ZNF587: variants seen among roughly 807,000 people sequenced by gnomAD.
ZNF587 encodes zinc finger protein 587, also known as zinc finger protein zfp6.
Under a neutral mutation model 7.5 loss-of-function variants are expected in ZNF587, and 8 were observed. The observed-to-expected ratio is 1.06, with a 90% CI of 0.62 to 1.92. The LOEUF is 1.92. ZNF587 is among the 40% of genes most tolerant of loss of function. ZNF587 has a pLI of 0.00. For synonymous variants in ZNF587, 145 were observed against 237.8 expected (o/e 0.61, Z 3.59); for missense variants, 468 against 692.8 (o/e 0.68, Z 3.64).
rs1369723420 is a variant in ZNF587 at position 57,861,841 on chromosome 19, C to T, written c.*1701C>T. ...AAGCTACAGTGAAGTGGCATGATCT[C>T]GGCCCACTGCAACCTCCACCTCCTG... is the stretch of plus-strand genomic sequence containing the variant. On this transcript the variant is annotated 3_prime_UTR_variant, in exon 3 of 3. Coordinates refer to ENST00000339656, the MANE Select transcript of ZNF587 (RefSeq NM_032828.4). The T allele has an allele frequency of 2.1e-5, 3 of 140,652 alleles. No individual in the cohort carries two copies. The highest frequency in any genetic ancestry group is 1.6e-4 in the Admixed American group (2 of 12,606). 8.7% of individuals were successfully genotyped at this position (140,652 alleles called of 1,614,324 possible).
rs778983030 is a variant in ZNF587, at chr19:57,859,986, G to A, written c.1574G>A (p.Cys525Tyr). Residue 525 changes from cysteine to tyrosine, a missense_variant, in exon 3 of 3, where the codon TGT becomes TAT. Physicochemically the swap from Cys to Tyr is radical, Grantham distance 194. This residue lies in a region of ZNF587 where 310 missense variants were observed against 325.6 expected (regional missense o/e 0.95). Transcript: ENST00000339656. The stretch of plus-strand genomic sequence containing the variant: ...CAAAAGCCTTATAAGTGCAGTGAAT[G>A]TGGAAAATCCTTTTCTGAATGTTCC... ...SGQKPYKCSE[C>Y]GKSFSECSSL... 3 of 1,614,132 alleles carry A rather than the reference G, an allele frequency of 1.9e-6. No homozygotes were observed. The highest frequency in any genetic ancestry group is 2.5e-6 in the Non-Finnish European group (3 of 1,180,006).
intron 1 of ZNF587, 170 bp from the exon 2 acceptor site, chr19:57,855,932 TGA>T (rs2071349521): frequency 8.7e-7 from 1 of 1,149,690 alleles, no homozygotes; most frequent in Admixed American, 2.6e-5. Flanking sequence ...TTCTTGTTGC[TGA>T]TGGCATTTGA....
At position 57,863,616 on chromosome 19, in the gene ZNF587, G is replaced by A. The variant is rs559597932; in HGVS notation, c.*3476G>A. 6.6e-6 allele frequency: 1 copy of A among 152,316 alleles called. No homozygotes were observed. Among genetic ancestry groups the A allele is most frequent in the African/African-American group, 2.4e-5 (1 of 41,572 alleles). 9.4% of individuals were successfully genotyped at this position (152,316 alleles called of 1,614,324 possible). A position where few individuals can be genotyped will look rare whatever the true frequency, so the allele number is the denominator to read the frequency against. On this transcript the variant is annotated 3_prime_UTR_variant, in exon 3 of 3. Coordinates refer to ENST00000339656, the MANE Select transcript of ZNF587 (RefSeq NM_032828.4). ...TTTTTGGGGAGCTTAATTTGCTAAT[G>A]GAATCTCTGTTATTTTCCTAACATG...
rs1230864396 is a variant in ZNF587, at chr19:57,849,997, C to G, written c.-42C>G. Reference sequence around the variant, plus strand: ...CAGAGGCGGCTCTGCAGCCCCGTGACGGCGACCACTGCTCCCGGGCCGTGC... The same window carrying G: ...CAGAGGCGGCTCTGCAGCCCCGTGAGGGCGACCACTGCTCCCGGGCCGTGC... On this transcript the variant is annotated 5_prime_UTR_variant, in exon 1 of 3. Transcript: ENST00000339656. 4 of 1,614,062 alleles carry G rather than the reference C, an allele frequency of 2.5e-6. No individual in the cohort carries two copies. In the South Asian group the frequency reaches 4.4e-5, roughly 18 times the overall value.
In ZNF587 at chr19:57,860,122, C is replaced by T. The variant is rs774344712; in HGVS notation, c.1710C>T (p.His570=). 19 of 1,613,372 alleles carry T rather than the reference C, an allele frequency of 1.2e-5. No individual in the cohort carries two copies. Among genetic ancestry groups the T allele is most frequent in the East Asian group, 2.2e-5 (1 of 44,898 alleles). Residue 570 remains histidine, a synonymous_variant, in exon 3 of 3, where the codon CAC becomes CAT. Transcript: ENST00000339656. The stretch of plus-strand genomic sequence containing the variant: ...CCCTCCTTCATCATCAGAGTTCACA[C>T]AGGAGAAAGGCCTTATGAGTGCAGT... ...SSTLLHHQSS[H]RRKAL is the part of the protein sequence containing the mutation.
intron 1 of ZNF587, chr19:57,850,426 C>A: frequency 3.6e-6 from 2 of 550,348 alleles, no homozygotes; most frequent in South Asian, 5.4e-5. Context: ...GAGTGCTGAT[C>A]AGTCTGGTTG....
At position 57,855,362 on chromosome 19, in the gene ZNF587, A is replaced by AT. The variant is rs1162784169; in HGVS notation, c.34-741dup. On this transcript the variant is annotated intron_variant, in intron 1 of 2. Coordinates refer to ENST00000339656, the MANE Select transcript of ZNF587 (RefSeq NM_032828.4). ...TATGTCTCAAAAAAATCCCCCAAAA[A>AT]TAAACTTTTACTTCTGGGGATGCCA... Among the ~76,000 whole-genome samples the AT allele has an allele frequency of 2.8e-4, 42 of 151,964 alleles. 1 individual carries two copies. Among genetic ancestry groups the AT allele is most frequent in the Admixed American group, 2.8e-3 (42 of 15,230 alleles).
chr19:57,864,507 G>GT lies in ZNF587; in HGVS notation c.*4368dup, dbSNP rs1220926115. 1.3e-5 allele frequency: 2 copies of GT among 152,084 alleles called. No homozygotes were observed. Among genetic ancestry groups the GT allele is most frequent in the East Asian group, 3.9e-4 (2 of 5,170 alleles). The allele number at this position is 152,084 out of a possible 1,614,324, so 9.4% of individuals were successfully genotyped here. On this transcript the variant is annotated 3_prime_UTR_variant, in exon 3 of 3. Coordinates refer to ENST00000339656, the MANE Select transcript of ZNF587 (RefSeq NM_032828.4). ...GCACTTGAGAAATGTGAATAAGATT[G>GT]TAAGTTACAAATAGCAAGGTACAGT...
Position 57,850,022 on chromosome 19 carries a change from C to T in ZNF587, c.-17C>T, listed in dbSNP as rs1364773995. The T allele has an allele frequency of 6.2e-7, 1 of 1,614,112 alleles. No homozygotes were observed. The highest frequency in any genetic ancestry group is 1.3e-5 in the African/African-American group (1 of 74,956). On this transcript the variant is annotated 5_prime_UTR_variant, in exon 1 of 3. Coordinates refer to ENST00000339656, the MANE Select transcript of ZNF587 (RefSeq NM_032828.4). ...CGGCGACCACTGCTCCCGGGCCGTGCTTCCCCAAGTAGTCCGATGGCAGCG... is the reference window on the plus strand; with the variant it reads ...CGGCGACCACTGCTCCCGGGCCGTGTTTCCCCAAGTAGTCCGATGGCAGCG...
chr19:57,856,009 T>C, intron 1 of ZNF587, 95 bp from the exon 2 acceptor site: 1 of 1,562,216 alleles, frequency 6.4e-7, no homozygotes, highest in Non-Finnish European at 8.6e-7. Flanking sequence ...TTGGGGACCT[T>C]GGGAGGAGGA....
Position 57,860,866 on chromosome 19 carries a change from A to G in ZNF587, c.*726A>G, listed in dbSNP as rs934316278. 6.6e-6 allele frequency: 1 copy of G among 151,824 alleles called. No homozygotes were observed. Among genetic ancestry groups the G allele is most frequent in the African/African-American group, 2.4e-5 (1 of 41,320 alleles). The allele number at this position is 151,824 out of a possible 1,614,324, so 9.4% of individuals were successfully genotyped here. On this transcript the variant is annotated 3_prime_UTR_variant, in exon 3 of 3. Coordinates refer to ENST00000339656, the MANE Select transcript of ZNF587 (RefSeq NM_032828.4). ...GAGTCACGTGATAGATTAAAGTACA[A>G]CTCTTTTTTGAGACAGAGTCTCACT... is the stretch of plus-strand genomic sequence containing the variant.
chr19:57,861,991 C>A lies in ZNF587; in HGVS notation c.*1851C>A, dbSNP rs932124819. On this transcript the variant is annotated 3_prime_UTR_variant, in exon 3 of 3. Transcript: ENST00000339656. ...GTTTCACCATGTTACCCAGGCTGCT[C>A]TCTACCTTCTGAGCTCAAGTGATCC... 6.6e-6 allele frequency: 1 copy of A among 152,118 alleles called. No individual in the cohort carries two copies. The allele number at this position is 152,118 out of a possible 1,614,324, so 9.4% of individuals were successfully genotyped here.
intron 1 of ZNF587, among the ~76,000 whole-genome samples, chr19:57,852,840 C>CCTTTT (rs2071298496): frequency 4.0e-5 from 1 of 25,286 alleles, no homozygotes. Context: ...GACAGCTAGG[C>CCTTTT]TTTTTTTTTT....
rs140914839 is a variant in ZNF587, at chr19:57,852,635, C to T, written c.33+2564C>T. 1.0e-2 allele frequency among the ~76,000 whole-genome samples: 1,518 copies of T among 151,916 alleles called. 23 individuals are homozygous for T. The highest frequency in any genetic ancestry group is 0.033 in the African/African-American group (1,381 of 41,384). On this transcript the variant is annotated intron_variant, in intron 1 of 2. Transcript: ENST00000339656. ...CTCTGCCTCCCAGGTTCAAGCAATT[C>T]TCCTGCCTCAGCATTCAAGGTAGCT...
rs2071439464 is a variant in ZNF587, at chr19:57,862,039, G to C, written c.*1899G>C. The C allele has an allele frequency of 6.6e-6, 1 of 152,122 alleles. No homozygotes were observed. Among genetic ancestry groups the C allele is most frequent in the South Asian group, 2.1e-4 (1 of 4,834 alleles). The allele number at this position is 152,122 out of a possible 1,614,324, so 9.4% of individuals were successfully genotyped here. A position where few individuals can be genotyped will look rare whatever the true frequency, so the allele number is the denominator to read the frequency against. On this transcript the variant is annotated 3_prime_UTR_variant, in exon 3 of 3. Transcript: ENST00000339656. ...TCCACCTGCCTCGGCCTCCCAAAGT[G>C]CTGGGATTACAGGTGTCAGCCACTG... is the stretch of plus-strand genomic sequence containing the variant.
At chr19:57,855,993 T>C in intron 1 of ZNF587, 111 bp from the exon 2 acceptor site, 1 of 1,535,992 alleles carries the variant, frequency 6.5e-7, no homozygotes, top group Non-Finnish European at 8.7e-7. Context: ...TGGTTTCAAC[T>C]CCGTGTTGGG....
intron 1 of ZNF587, among the ~76,000 whole-genome samples, chr19:57,853,621 A>ATC (rs1175898982): frequency 4.6e-5 from 7 of 152,260 alleles, no homozygotes; most frequent in East Asian, 3.9e-4. Flanking sequence ...CAGGACATTT[A>ATC]ATACAGTAGA....
intron 1 of ZNF587, among the ~76,000 whole-genome samples, chr19:57,854,769 G>A (rs1198422563): frequency 1.3e-5 from 2 of 152,028 alleles, no homozygotes; most frequent in African/African-American, 4.8e-5. Flanking sequence ...CGCTGGGTGT[G>A]GTGGCTCACC....
chr19:57,853,003 C>A (rs1245877232), intron 1 of ZNF587, among the ~76,000 whole-genome samples: 1 of 151,676 alleles, frequency 6.6e-6, no homozygotes, highest in African/African-American at 2.4e-5. Context: ...CAGGCATGTA[C>A]CACCACACTC....
Sources: allele counts gnomAD v4.1 joint callset (sites outside exome capture counted in the v4.1 genomes callset), GRCh38; gene constraint gnomAD v4.1.1; regional missense constraint gnomAD v4.1.1; transcripts MANE v1.5; gene names NCBI Gene and HGNC (gene_info 2026-07-23, HGNC 2026-07-21).